WWOX: variants seen among roughly 807,000 people sequenced by gnomAD.
The protein encoded by WWOX is WW domain-containing oxidoreductase.
WWOX carries 69 observed loss-of-function variants against 46.2 expected under a neutral mutation model. That is an observed-to-expected ratio of 1.49 (90% CI 1.23 to 1.82). The LOEUF (loss-of-function observed/expected upper bound fraction) is 1.82, where lower values mean the gene tolerates loss of function less well. WWOX is among the 40% of genes most tolerant of loss of function. The pLI is 0.00. For synonymous variants in WWOX, 359 were observed against 202.6 expected (o/e 1.77, Z -6.56); for missense variants, 919 against 542.6 (o/e 1.69, Z -6.89).
At chr16:78,407,328 C>T (rs150743411) in intron 6 of WWOX, among the ~76,000 whole-genome samples, 121 of 152,304 alleles carry the variant, frequency 7.9e-4, no homozygotes, top group African/African-American at 2.6e-3. Context: ...GATGGTGTGA[C>T]ATTCTGCTTC....
chr16:78,957,964 C>G (rs1407777586), intron 8 of WWOX, among the ~76,000 whole-genome samples: 1 of 152,230 alleles, frequency 6.6e-6, no homozygotes, highest in Non-Finnish European at 1.5e-5. Flanking sequence ...CTGCAAATCT[C>G]AGTGCCCTCT....
intron 8 of WWOX, among the ~76,000 whole-genome samples, chr16:78,820,623 C>G (rs934826167): frequency 6.6e-6 from 1 of 152,118 alleles, no homozygotes; most frequent in East Asian, 1.9e-4. Context: ...AGCAAGACCA[C>G]AGGGCCTGTC....
At chr16:78,127,516 G>GAAA (rs35507203) in intron 4 of WWOX, among the ~76,000 whole-genome samples, 2,822 of 122,324 alleles carry the variant, frequency 0.023, 125 homozygotes, top group African/African-American at 0.078. Flanking sequence ...ATAATCAACG[G>GAAA]AAAAAAAAAA....
At chr16:79,128,966 G>A (rs2049818879) in intron 8 of WWOX, among the ~76,000 whole-genome samples, 2 of 152,300 alleles carry the variant, frequency 1.3e-5, no homozygotes, top group East Asian at 1.9e-4. Context: ...ACCAAAGGGG[G>A]CCAAGCGTCC....
intron 8 of WWOX, among the ~76,000 whole-genome samples, chr16:78,600,328 C>T (rs1009414376): frequency 6.6e-6 from 1 of 151,966 alleles, no homozygotes; most frequent in African/African-American, 2.4e-5. Context: ...AGAAACAGAC[C>T]AAGTAGAGAC....
intron 5 of WWOX, among the ~76,000 whole-genome samples, chr16:78,348,500 C>T (rs556533758): frequency 8.3e-6 from 1 of 121,124 alleles, no homozygotes; most frequent in South Asian, 2.5e-4. Flanking sequence ...CTCTGTCGCT[C>T]AGGCTGGATT....
chr16:78,836,616 A>G (rs899526884), intron 8 of WWOX, among the ~76,000 whole-genome samples: 6 of 152,174 alleles, frequency 3.9e-5, no homozygotes, highest in Non-Finnish European at 8.8e-5. Flanking sequence ...ACAGTACCTC[A>G]TTTAATTCTT....
chr16:78,713,701 G>T (rs1451619983), intron 8 of WWOX, among the ~76,000 whole-genome samples: 4 of 152,156 alleles, frequency 2.6e-5, no homozygotes, highest in Non-Finnish European at 5.9e-5. Context: ...GGGGCCTCCG[G>T]AGAAGCCAAA....
intron 6 of WWOX, among the ~76,000 whole-genome samples, chr16:78,419,117 T>G (rs79812029): frequency 0.025 from 3,775 of 152,268 alleles, 154 homozygotes; most frequent in African/African-American, 0.087. Context: ...GATAAAAGTT[T>G]AATATGCGTA....
chr16:78,576,720 T>G (rs2044889800), intron 8 of WWOX, among the ~76,000 whole-genome samples: 1 of 152,132 alleles, frequency 6.6e-6, no homozygotes, highest in South Asian at 2.1e-4. Context: ...TAGTCCCAGC[T>G]ACTCAAGAGG....
At chr16:79,107,425 T>G (rs1597382201) in intron 8 of WWOX, among the ~76,000 whole-genome samples, 3 of 152,250 alleles carry the variant, frequency 2.0e-5, no homozygotes, top group African/African-American at 7.2e-5. Context: ...GTTCTCATCC[T>G]TGCTGTTCTG....
intron 8 of WWOX, among the ~76,000 whole-genome samples, chr16:78,773,932 C>A (rs1344249758): frequency 1.3e-5 from 2 of 152,160 alleles, no homozygotes; most frequent in Non-Finnish European, 1.5e-5. Flanking sequence ...TTTCCCAGGC[C>A]CTTCATGGAA....
intron 8 of WWOX, among the ~76,000 whole-genome samples, chr16:79,183,995 C>G (rs1451819853): frequency 6.6e-6 from 1 of 152,202 alleles, no homozygotes; most frequent in Admixed American, 6.5e-5. Flanking sequence ...CTCAACTCTC[C>G]TCACCTCTGT....
chr16:78,315,284 G>GT (rs938209133), intron 5 of WWOX, among the ~76,000 whole-genome samples: 10 of 152,010 alleles, frequency 6.6e-5, no homozygotes, highest in African/African-American at 2.2e-4. Flanking sequence ...AAGTGAAACT[G>GT]TTTTTTTTCC....
At chr16:78,492,437 C>A (rs1381138377) in intron 8 of WWOX, among the ~76,000 whole-genome samples, 2 of 152,170 alleles carry the variant, frequency 1.3e-5, no homozygotes, top group African/African-American at 4.8e-5. Context: ...TCCCAGTGTG[C>A]TGGAGTCAAA....
chr16:78,991,084 G>C (rs991331161), intron 8 of WWOX, among the ~76,000 whole-genome samples: 1 of 152,210 alleles, frequency 6.6e-6, no homozygotes, highest in Non-Finnish European at 1.5e-5. Flanking sequence ...GCAGCCTTCA[G>C]CTTCCCAAAG....
At chr16:79,038,447 A>G (rs1419987968) in intron 8 of WWOX, among the ~76,000 whole-genome samples, 1 of 152,220 alleles carries the variant, frequency 6.6e-6, no homozygotes, top group East Asian at 1.9e-4. Flanking sequence ...AGACATGCAC[A>G]GAAAAAAAAG....
chr16:78,553,310 A>G (rs2044217166), intron 8 of WWOX: 2 of 152,214 alleles, frequency 1.3e-5, no homozygotes, highest in Admixed American at 1.3e-4. Context: ...TTTTATTGTG[A>G]TTTTCACAGG....
intron 5 of WWOX, among the ~76,000 whole-genome samples, chr16:78,349,253 A>G (rs1248908943): frequency 2.5e-5 from 3 of 119,858 alleles, no homozygotes; most frequent in African/African-American, 8.5e-5. Context: ...CTCAGATTGC[A>G]ATAGGACCTG....
Sources: allele counts gnomAD v4.1 joint callset (sites outside exome capture counted in the v4.1 genomes callset), GRCh38; gene constraint gnomAD v4.1.1; transcripts MANE v1.5; gene names NCBI Gene and HGNC (gene_info 2026-07-23, HGNC 2026-07-21).